Variants in ZBED6 observed in about 807,000 individuals in gnomAD.
ZBED6 encodes zinc finger BED-type containing 6, also known as zinc finger BED domain-containing protein 6.
In ZBED6, 40 loss-of-function variants were observed where a neutral mutation model predicts 58.4. The ratio of observed to expected loss-of-function variants is 0.68; its 90% CI spans 0.53 to 0.89. The LOEUF (loss-of-function observed/expected upper bound fraction) is 0.89, where lower values mean the gene tolerates loss of function less well. Ranked by LOEUF, ZBED6 falls within the 40% of genes least tolerant of loss-of-function variation. The pLI is 0.00. For synonymous variants in ZBED6, 439 were observed against 350.6 expected, an observed-to-expected ratio of 1.25 and a Z score of -2.82; for missense variants, 1,057 against 1,003.9, an observed-to-expected ratio of 1.05 and a Z score of -0.71.
At chr1:203,842,850 A>G (rs1055863974) in intron 11 of ZBED6, among the ~76,000 whole-genome samples, 44 of 151,446 alleles carry the variant, frequency 2.9e-4, no homozygotes, top group African/African-American at 1.0e-3. Flanking sequence ...AAATTATGAA[A>G]TATAACTACA....
exon 16 of ZBED6, chr1:203,851,118 G>C (rs1689143721): frequency 1.2e-6 from 2 of 1,614,142 alleles, no homozygotes; most frequent in Non-Finnish European, 1.7e-6. Context: ...GAAAATCCTA[G>C]AGACAGGTAA....
exon 15 of ZBED6, chr1:203,850,583 C>T (rs1689019646): frequency 2.5e-6 from 4 of 1,614,034 alleles, no homozygotes; most frequent in Middle Eastern, 1.7e-4. Context: ...GGCCCCAAAA[C>T]GTAAGGCAGT....
At chr1:203,849,436 T>G (rs1197203406) in intron 13 of ZBED6, among the ~76,000 whole-genome samples, 1 of 152,256 alleles carries the variant, frequency 6.6e-6, no homozygotes, top group Non-Finnish European at 1.5e-5. Flanking sequence ...TAAATCTTTG[T>G]GCAGGTATTT....
chr1:203,842,117 T>G (rs1572306277), intron 11 of ZBED6, among the ~76,000 whole-genome samples: 9 of 118,146 alleles, frequency 7.6e-5, no homozygotes, highest in Admixed American at 1.8e-4. Context: ...CTTCCCAGAC[T>G]GGGCGGCTGG....
chr1:203,813,790 G>T (rs1675307164), intron 1 of ZBED6, among the ~76,000 whole-genome samples: 1 of 151,996 alleles, frequency 6.6e-6, no homozygotes, highest in Non-Finnish European at 1.5e-5. Context: ...CATCACTCCA[G>T]CCACATGGTC....
At chr1:203,825,188 C>T (rs990127589) in intron 3 of ZBED6, among the ~76,000 whole-genome samples, 6 of 151,802 alleles carry the variant, frequency 4.0e-5, no homozygotes, top group African/African-American at 1.5e-4. Context: ...ATTAAATGCA[C>T]CCAAAACAAA....
intron 11 of ZBED6, among the ~76,000 whole-genome samples, chr1:203,842,625 C>CT (rs575844553): frequency 0.011 from 1,444 of 128,294 alleles, 9 homozygotes; most frequent in Non-Finnish European, 0.013. Flanking sequence ...GAGGGGGAAT[C>CT]TTTTTTTTTT....
intron 4 of ZBED6, chr1:203,829,220 A>G (rs2103007696): frequency 1.8e-6 from 1 of 570,522 alleles, no homozygotes; most frequent in African/African-American, 1.9e-5. Context: ...TCTTCTGTTG[A>G]TTCTGTTTTG....
At chr1:203,796,937 G>T (rs962212211) in exon 1 of ZBED6, 1 of 153,588 alleles carries the variant, frequency 6.5e-6, no homozygotes, top group Non-Finnish European at 1.4e-5. Flanking sequence ...TGCGGAGTCT[G>T]TGTTGGCTTT....
chr1:203,837,304 A>AAG (rs1553268083), intron 9 of ZBED6, among the ~76,000 whole-genome samples: 10 of 150,000 alleles, frequency 6.7e-5, no homozygotes, highest in Admixed American at 2.0e-4. Flanking sequence ...AAAAAAAAAA[A>AAG]GGGTTCTTTT....
intron 11 of ZBED6, among the ~76,000 whole-genome samples, chr1:203,842,307 A>G (rs1471754179): frequency 1.3e-5 from 2 of 152,190 alleles, no homozygotes; most frequent in Non-Finnish European, 2.9e-5. Flanking sequence ...AGCCTGGGCA[A>G]CATTGAGCAC....
intron 16 of ZBED6, among the ~76,000 whole-genome samples, chr1:203,851,561 G>C (rs35901298): frequency 0.13 from 19,607 of 152,056 alleles, 1,438 homozygotes; most frequent in Non-Finnish European, 0.15. Context: ...AACTCCTGAC[G>C]TCAAGTGATC....
intron 1 of ZBED6, among the ~76,000 whole-genome samples, chr1:203,814,669 C>T (rs192854754): frequency 5.9e-5 from 9 of 152,242 alleles, no homozygotes; most frequent in African/African-American, 2.2e-4. Context: ...CTATCAAGTA[C>T]CTCAAAAGTC....
intron 11 of ZBED6, among the ~76,000 whole-genome samples, chr1:203,842,608 G>T (rs1266066773): frequency 6.7e-6 from 1 of 148,858 alleles, no homozygotes; most frequent in South Asian, 2.1e-4. Flanking sequence ...GGGGAGAGGG[G>T]GAGGGGGAGG....
chr1:203,839,524 C>A (rs758500478), intron 10 of ZBED6, among the ~76,000 whole-genome samples: 26 of 151,946 alleles, frequency 1.7e-4, no homozygotes, highest in Non-Finnish European at 3.8e-4. Flanking sequence ...TTAATTTTTC[C>A]CCTTGCCCAA....
intron 3 of ZBED6, among the ~76,000 whole-genome samples, chr1:203,824,938 A>G (rs1200016784): frequency 6.6e-6 from 1 of 151,988 alleles, no homozygotes; most frequent in Non-Finnish European, 1.5e-5. Flanking sequence ...TTAGCCGGGC[A>G]TGGTGACACG....
chr1:203,797,403 A>C, exon 1 of ZBED6: 2 of 989,786 alleles, frequency 2.0e-6, no homozygotes, highest in Non-Finnish European at 2.8e-6. Flanking sequence ...TCCAGTGGGA[A>C]TTTGATTCCC....
chr1:203,797,998 G>A lies in ZBED6; in HGVS notation c.476G>A (p.Ser159Asn). 6.5e-7 allele frequency: 1 copy of A among 1,534,088 alleles called. No individual in the cohort carries two copies. Among genetic ancestry groups the A allele is most frequent in the Non-Finnish European group, 8.7e-7 (1 of 1,145,036 alleles). ...TGTAACCTCTGTGAGAAAAGCGTCA[G>A]CAGGGGTAAACCAGGTAGCCATCTT... is the stretch of plus-strand genomic sequence containing the variant. The change falls in exon 1 of 17, where the codon AGC (serine) becomes AAC (asparagine). Residue 159 changes from serine (S) to asparagine (N), a missense_variant. Physicochemically the swap from Ser to Asn is conservative, Grantham distance 46 (BLOSUM62 1). Coordinates refer to ENST00000550078, the Ensembl canonical transcript of ZBED6.
intron 8 of ZBED6, among the ~76,000 whole-genome samples, chr1:203,833,177 G>A (rs151039937): frequency 3.3e-5 from 5 of 152,204 alleles, no homozygotes; most frequent in East Asian, 3.9e-4. Context: ...AGACCAGCCC[G>A]ACCAACGCGG....
Sources: gnomAD v4.1 joint callset for allele counts (sites outside exome capture counted in the v4.1 genomes callset) on GRCh38, gnomAD v4.1.1 for gene constraint, MANE v1.5 for transcripts, NCBI Gene and HGNC (gene_info 2026-07-23, HGNC 2026-07-21) for gene names.